Variants in PLCG1 observed in about 807,000 individuals in gnomAD.
PLCG1 encodes phospholipase C gamma 1, also known as 1-phosphatidylinositol 4,5-bisphosphate phosphodiesterase gamma-1.
PLCG1 carries 71 observed loss-of-function variants against 177.8 expected under a neutral mutation model. The ratio of observed to expected loss-of-function variants is 0.40; its 90% confidence interval spans 0.33 to 0.49. PLCG1 has a LOEUF of 0.49. Ranked by LOEUF, PLCG1 falls within the 20% of genes least tolerant of loss-of-function variation. The pLI is 0.72. For missense variants in PLCG1, 1,281 were observed against 1,709.0 expected (o/e 0.75, Z 4.42); for synonymous variants, 658 against 647.9 (o/e 1.02, Z -0.24).
At position 41,173,429 on chromosome 20, in the gene PLCG1, G is replaced by T. The variant is rs1467882588; in HGVS notation, c.3289G>T (p.Ala1097Ser). The T allele has an allele frequency of 6.2e-7, 1 of 1,600,620 alleles. No homozygotes were observed. Among genetic ancestry groups the T allele is most frequent in the Admixed American group, 1.7e-5 (1 of 59,304 alleles). Residue 1097 changes from alanine to serine, a missense_variant, in exon 28 of 32, where the codon GCC becomes TCC. Ala to Ser is a moderately conservative substitution (Grantham distance 99). This residue lies in a region of PLCG1 where 723 missense variants were observed against 1,030.0 expected (regional missense o/e 0.70). Transcript: ENST00000685551. This position sits in a 1 kb window ranked among gnomAD's most constrained non-coding sequence, Gnocchi z 6.2. Reference protein sequence around the residue: ...PCAISIEVLGARHLPKNGRGI... With the variant: ...PCAISIEVLGSRHLPKNGRGI... ...CTTTGTCTGCCTACAGGTGCTGGGG[G>T]CCCGACATCTGCCAAAGAATGGCCG...
intron 1 of PLCG1, among the ~76,000 whole-genome samples, chr20:41,154,682 C>T (rs182913006): frequency 6.6e-6 from 1 of 152,258 alleles, no homozygotes; most frequent in Admixed American, 6.5e-5. Context: ...GAGCCAGGCA[C>T]ACAGATGGGT....
rs912265634 is a variant in PLCG1 at position 41,144,489 on chromosome 20, C to T, written c.217+6631C>T. ...AACACCGGTGTCGAGATGCTTGGCCCACCCAGACCTTTCCCACACTCCTAC... is the reference window on the plus strand; with the variant it reads ...AACACCGGTGTCGAGATGCTTGGCCTACCCAGACCTTTCCCACACTCCTAC... On this transcript the variant is annotated intron_variant, in intron 1 of 31. Transcript: ENST00000685551. The surrounding 1 kb of genome is among the most constrained non-coding windows in gnomAD (Gnocchi z 4.1). Among the ~76,000 whole-genome samples the T allele has an allele frequency of 6.6e-6, 1 of 152,166 alleles. No individual in the cohort carries two copies. The highest frequency in any genetic ancestry group is 1.5e-5 in the Non-Finnish European group (1 of 68,024).
chr20:41,158,813 G>T (rs1021766786), intron 1 of PLCG1, among the ~76,000 whole-genome samples: 1 of 152,220 alleles, frequency 6.6e-6, no homozygotes, highest in African/African-American at 2.4e-5. Flanking sequence ...GAGAAACTCA[G>T]TCAAGCCCTT....
rs987515784 is a variant in PLCG1, at chr20:41,149,501, TGA to T, written c.218-10096_218-10095del. 6.6e-5 allele frequency among the ~76,000 whole-genome samples: 10 copies of T among 152,248 alleles called. No individual in the cohort carries two copies. The South Asian group carries it at 1.0e-3, about 16-fold the overall frequency. On this transcript the variant is annotated intron_variant, in intron 1 of 31. Coordinates refer to ENST00000685551, the MANE Select transcript of PLCG1 (RefSeq NM_002660.3). ...GTATGGCAAGAGGCCTTGGTTCTGGTGAGAGAGAGAAGACAGTGTTTGGTTTT... is the reference window on the plus strand; with the variant it reads ...GTATGGCAAGAGGCCTTGGTTCTGGTGAGAGAGAAGACAGTGTTTGGTTTT...
chr20:41,153,088 GGGAA>G lies in PLCG1; in HGVS notation c.218-6513_218-6510del, dbSNP rs1401624994. On this transcript the variant is annotated intron_variant, in intron 1 of 31. Coordinates refer to ENST00000685551, the MANE Select transcript of PLCG1 (RefSeq NM_002660.3). The surrounding 1 kb of genome is among the most constrained non-coding windows in gnomAD (Gnocchi z 5.1). ...GTGGGGGTAGTAAAAACCCCCAGAA[GGGAA>G]GGAACCTGTCCAGGAAATCTTCGCT... Among the ~76,000 whole-genome samples the G allele has an allele frequency of 1.3e-5, 2 of 152,174 alleles. No individual in the cohort carries two copies. The highest frequency in any genetic ancestry group is 2.9e-5 in the Non-Finnish European group (2 of 68,042).
At chr20:41,145,848 T>C (rs2034980348) in intron 1 of PLCG1, among the ~76,000 whole-genome samples, 2 of 152,208 alleles carry the variant, frequency 1.3e-5, no homozygotes, top group Admixed American at 1.3e-4. Context: ...CATTCCTGGC[T>C]AAGCCCTTAA....
Position 41,174,084 on chromosome 20 carries a change from A to C in PLCG1, c.3646-40A>C. On this transcript the variant is annotated intron_variant, in intron 30 of 31. Transcript: ENST00000685551. This position sits in a 1 kb window ranked among gnomAD's most constrained non-coding sequence, Gnocchi z 5.8. Reference sequence around the variant, plus strand: ...CAGGCAGCAGCCTCTAGAAGTGCAGAGGAGTCATTGACCCTCTTGTGCACC... The same window carrying C: ...CAGGCAGCAGCCTCTAGAAGTGCAGCGGAGTCATTGACCCTCTTGTGCACC... The C allele has an allele frequency of 6.2e-7, 1 of 1,610,680 alleles. No homozygotes were observed.
In PLCG1 at chr20:41,165,014, G is replaced by A. The variant is rs1401697278; in HGVS notation, c.1299G>A (p.Leu433=). 2 of 1,614,152 alleles carry A rather than the reference G, an allele frequency of 1.2e-6. No individual in the cohort carries two copies. The highest frequency in any genetic ancestry group is 2.2e-5 in the South Asian group (2 of 91,072). Residue 433 remains leucine (L), a synonymous_variant, in exon 13 of 32, where the codon CTG becomes CTA. Transcript: ENST00000685551. The surrounding 1 kb of genome is among the most constrained non-coding windows in gnomAD (Gnocchi z 6.6). ...RNMAQYFKKV[L]GDTLLTKPVE... is the part of the protein sequence containing the mutation. ...TGGCCCAATACTTCAAGAAGGTGCTGGGGGACACACTCCTCACCAAGCCCG... is the reference window on the plus strand; with the variant it reads ...TGGCCCAATACTTCAAGAAGGTGCTAGGGGACACACTCCTCACCAAGCCCG...
chr20:41,162,531 CT>C lies in PLCG1; in HGVS notation c.593del (p.Leu198ArgfsTer41). On this transcript the variant is annotated frameshift_variant, in exon 5 of 32. Coordinates refer to ENST00000685551, the MANE Select transcript of PLCG1 (RefSeq NM_002660.3). LOFTEE classifies it high-confidence loss of function. ...CAACATGCGCTTCCTCCGAGAGCGG[CT>C]GACGGTAAGTGCCACCCAGGGCTGT... ...VPNMRFLRER[L>X]TDLEQRSGDI... The C allele has an allele frequency of 6.2e-7, 1 of 1,613,850 alleles. No individual in the cohort carries two copies. Among genetic ancestry groups the C allele is most frequent in the Non-Finnish European group, 8.5e-7 (1 of 1,179,826 alleles).
chr20:41,143,965 G>A (rs768986463), intron 1 of PLCG1, among the ~76,000 whole-genome samples: 50 of 152,162 alleles, frequency 3.3e-4, no homozygotes, highest in Non-Finnish European at 5.0e-4. Flanking sequence ...CACTAAGCTC[G>A]GCCACAAGTG....
rs374565182 is a variant in PLCG1, at chr20:41,159,851, A to C, written c.371-19A>C. On this transcript the variant is annotated intron_variant, in intron 2 of 31. Coordinates refer to ENST00000685551, the MANE Select transcript of PLCG1 (RefSeq NM_002660.3). This position sits in a 1 kb window ranked among gnomAD's most constrained non-coding sequence, Gnocchi z 6.0. ...GGAGGTATGTGCCCTCGGGGCAGCT[A>C]TTGATACCTTGCTCACAGCCACATC... 2 of 1,613,568 alleles carry C rather than the reference A, an allele frequency of 1.2e-6. No individual in the cohort carries two copies. Among genetic ancestry groups the C allele is most frequent in the Admixed American group, 3.3e-5 (2 of 60,032 alleles).
Position 41,165,177 on chromosome 20 carries a change from C to T in PLCG1, c.1387-68C>T. On this transcript the variant is annotated intron_variant, in intron 13 of 31. Coordinates refer to ENST00000685551, the MANE Select transcript of PLCG1 (RefSeq NM_002660.3). The surrounding 1 kb of genome is among the most constrained non-coding windows in gnomAD (Gnocchi z 6.6). Reference sequence around the variant, plus strand: ...CAGGCCATGGCTTCAGCTGTTGGGCCTAAACCTGGGTGAGGAGGTGGGGTG... The same window carrying T: ...CAGGCCATGGCTTCAGCTGTTGGGCTTAAACCTGGGTGAGGAGGTGGGGTG... 6.2e-7 allele frequency: 1 copy of T among 1,605,734 alleles called. No homozygotes were observed. Among genetic ancestry groups the T allele is most frequent in the East Asian group, 2.2e-5 (1 of 44,786 alleles).
chr20:41,167,730 C>T lies in PLCG1; in HGVS notation c.2302-122C>T. 1 of 704,786 alleles carries T rather than the reference C, an allele frequency of 1.4e-6. No individual in the cohort carries two copies. Among genetic ancestry groups the T allele is most frequent in the Non-Finnish European group, 2.6e-6 (1 of 389,008 alleles). 43.7% of individuals were successfully genotyped at this position (704,786 alleles called of 1,614,324 possible). ...GCCGTCTCTACTGAGGTCGAAGGAT[C>T]CCTGTGGATCAGGTGCAAGTTTGCT... On this transcript the variant is annotated intron_variant, in intron 19 of 31. Transcript: ENST00000685551. The surrounding 1 kb of genome is among the most constrained non-coding windows in gnomAD (Gnocchi z 4.4).
chr20:41,162,942 G>T lies in PLCG1; in HGVS notation c.682-16G>T. ...CTCCCAGGGGTCTTGCCCTGACCAG[G>T]TTCTGTTTCCTGCAGATGGACCTCC... On this transcript the variant is annotated splice_polypyrimidine_tract_variant and intron_variant, in intron 6 of 31. Coordinates refer to ENST00000685551, the MANE Select transcript of PLCG1 (RefSeq NM_002660.3). 1 of 1,613,684 alleles carries T rather than the reference G, an allele frequency of 6.2e-7. No homozygotes were observed. Among genetic ancestry groups the T allele is most frequent in the Non-Finnish European group, 8.5e-7 (1 of 1,179,592 alleles).
At chr20:41,140,639 C>G (rs2034793198) in intron 1 of PLCG1, among the ~76,000 whole-genome samples, 1 of 152,152 alleles carries the variant, frequency 6.6e-6, no homozygotes, top group Admixed American at 6.5e-5. Context: ...GCTGACACCT[C>G]CTGATTTCTA....
intron 24 of PLCG1, 31 bp downstream of exon 24, chr20:41,170,300 A>G: frequency 6.2e-7 from 1 of 1,613,288 alleles, no homozygotes; most frequent in Non-Finnish European, 8.5e-7. Flanking sequence ...TCTGGGGGGC[A>G]GTGTGTGGGC....
chr20:41,150,558 A>G lies in PLCG1; in HGVS notation c.218-9048A>G, dbSNP rs1439428914. On this transcript the variant is annotated intron_variant, in intron 1 of 31. Transcript: ENST00000685551. The surrounding 1 kb of genome is among the most constrained non-coding windows in gnomAD (Gnocchi z 4.0). ...TTGGAGCACACTAGACTCCTGACAC[A>G]GAGGCTGACCCATGGCTGCCTGGAG... Among the ~76,000 whole-genome samples, 2 of 152,190 alleles carry G rather than the reference A, an allele frequency of 1.3e-5. No individual in the cohort carries two copies. Among genetic ancestry groups the G allele is most frequent in the Non-Finnish European group, 2.9e-5 (2 of 68,024 alleles).
chr20:41,166,196 G>A lies in PLCG1; in HGVS notation c.1802G>A (p.Arg601Gln), dbSNP rs200946488. ...FVGDYTLSFW[R>Q]NGKVQHCRIH... is the part of the protein sequence containing the mutation. ...CCCTCACTCTGTGTCTTCCACAGGC[G>A]GAACGGGAAAGTCCAGCACTGCCGT... Residue 601 changes from arginine (R) to glutamine (Q), a missense_variant and splice_region_variant, in exon 17 of 32, where the codon CGG becomes CAG. Arg to Gln is a conservative substitution (Grantham distance 43, BLOSUM62 1). Around this residue, in one of 4 missense-constraint regions of PLCG1, gnomAD observed 723 missense variants for 1,030.0 expected, o/e 0.70. Coordinates refer to ENST00000685551, the MANE Select transcript of PLCG1 (RefSeq NM_002660.3). This position sits in a 1 kb window ranked among gnomAD's most constrained non-coding sequence, Gnocchi z 8.6. 6.8e-6 allele frequency: 11 copies of A among 1,612,530 alleles called. No individual in the cohort carries two copies. The highest frequency in any genetic ancestry group is 8.5e-6 in the Non-Finnish European group (10 of 1,179,838).
chr20:41,160,234 C>T lies in PLCG1; in HGVS notation c.512+81C>T, dbSNP rs35872891. The T allele has an allele frequency of 5.8e-5, 77 of 1,332,650 alleles. No homozygotes were observed. Among genetic ancestry groups the T allele is most frequent in the Admixed American group, 3.9e-4 (23 of 59,070 alleles). The allele number at this position is 1,332,650 out of a possible 1,614,324, so 82.6% of individuals were successfully genotyped here. ...TTAGCCAGGCCTCTAAGTAGCTGCC[C>T]GGAGAGCCAGAGGACCCAGGGGACC... On this transcript the variant is annotated intron_variant, in intron 4 of 31. Transcript: ENST00000685551. The surrounding 1 kb of genome is among the most constrained non-coding windows in gnomAD (Gnocchi z 5.5).
Sources: allele counts gnomAD v4.1 joint callset (sites outside exome capture counted in the v4.1 genomes callset), GRCh38; gene constraint gnomAD v4.1.1; regional missense constraint gnomAD v4.1.1; non-coding constraint Gnocchi (gnomAD v3.1); transcripts MANE v1.5; gene names NCBI Gene and HGNC (gene_info 2026-07-23, HGNC 2026-07-21).